Variants in FANCC observed in about 807,000 individuals in gnomAD.
The protein encoded by FANCC is FA complementation group C, also known as Fanconi anemia group C protein.
A neutral mutation model predicts 71.3 loss-of-function variants in FANCC; 55 were observed. That is an observed-to-expected ratio of 0.77 (90% CI 0.62 to 0.97). The LOEUF (loss-of-function observed/expected upper bound fraction) is 0.97. FANCC is among the 50% of genes least tolerant of loss of function. The probability of loss-of-function intolerance (pLI) is 0.00; values close to 1 mark genes in which losing one functional copy is unlikely to be tolerated. For synonymous variants in FANCC, 275 were observed against 244.9 expected (o/e 1.12, Z -1.15); for missense variants, 678 against 670.9 (o/e 1.01, Z -0.12).
chr9:95,118,737 C>A (rs1295759101), intron 10 of FANCC, among the ~76,000 whole-genome samples: 3 of 152,260 alleles, frequency 2.0e-5, no homozygotes, highest in Middle Eastern at 3.4e-3. Context: ...TTATTGTGTG[C>A]GAGTAGATCA....
At chr9:95,138,032 G>A (rs1199960528) in intron 7 of FANCC, among the ~76,000 whole-genome samples, 1 of 152,266 alleles carries the variant, frequency 6.6e-6, no homozygotes. Context: ...CAACGGGCAA[G>A]GCGCAGAGGA....
intron 14 of FANCC, among the ~76,000 whole-genome samples, chr9:95,103,526 C>T (rs1426875332): frequency 1.3e-5 from 2 of 152,196 alleles, no homozygotes; most frequent in Non-Finnish European, 2.9e-5. Flanking sequence ...GGGTGGACTC[C>T]ATGCAGTCCT....
chr9:95,138,404 C>A (rs1828053861), intron 7 of FANCC, among the ~76,000 whole-genome samples: 1 of 152,182 alleles, frequency 6.6e-6, no homozygotes, highest in Non-Finnish European at 1.5e-5. Flanking sequence ...CAATGGAGCC[C>A]TGGAGAGGGG....
chr9:95,291,963 A>ATAT (rs1256566464), intron 1 of FANCC, among the ~76,000 whole-genome samples: 28 of 94,502 alleles, frequency 3.0e-4, no homozygotes, highest in Admixed American at 5.1e-4. Context: ...AAAAAAAAAA[A>ATAT]AAAAATATAT....
intron 1 of FANCC, among the ~76,000 whole-genome samples, chr9:95,298,993 C>T (rs542823150): frequency 6.6e-5 from 10 of 152,136 alleles, no homozygotes; most frequent in South Asian, 2.1e-4. Context: ...AAAAATACTA[C>T]GGTATATATG....
At chr9:95,298,565 A>C (rs190975057) in intron 1 of FANCC, among the ~76,000 whole-genome samples, 1 of 152,306 alleles carries the variant, frequency 6.6e-6, no homozygotes, top group Admixed American at 6.5e-5. Context: ...GACAATAGAG[A>C]TATGGGAGCA....
rs4647527 is a variant in FANCC, at chr9:95,115,318, C to A, written c.1073-608G>T. 3.0e-4 allele frequency among the ~76,000 whole-genome samples: 46 copies of A among 152,296 alleles called. 2 individuals carry two copies. In the South Asian group the frequency reaches 9.3e-3, roughly 31 times the overall value. On this transcript the variant is annotated intron_variant, in intron 11 of 14. Transcript: ENST00000289081. ...AGCCCCCGCTGAGACTGGGAAATGC[C>A]GGGTTGCGGATGCCCTAGGTTTCTT...
Position 95,279,605 on chromosome 9 carries a change from A to G in FANCC, c.-78-30236T>C, listed in dbSNP as rs549748596. 4.1e-4 allele frequency among the ~76,000 whole-genome samples: 63 copies of G among 152,278 alleles called. 1 individual carries two copies. Among genetic ancestry groups the G allele is most frequent in the Non-Finnish European group, 2.9e-5 (2 of 68,016 alleles). ...AGATATACAGAAAAAGTAAAAGTTC[A>G]GACATAAAGCCAACTATGTCAATAA... On this transcript the variant is annotated intron_variant, in intron 1 of 14. Transcript: ENST00000289081.
At chr9:95,303,970 G>C (rs1169436952) in intron 1 of FANCC, among the ~76,000 whole-genome samples, 1 of 151,938 alleles carries the variant, frequency 6.6e-6, no homozygotes, top group African/African-American at 2.4e-5. Flanking sequence ...AAGTGCCCAA[G>C]AAAATGGATG....
chr9:95,171,203 A>G (rs989400652), intron 5 of FANCC, 60 bp from the exon 6 acceptor site: 16 of 1,316,304 alleles, frequency 1.2e-5, no homozygotes, highest in Admixed American at 3.4e-5. Context: ...CATCAGTTCT[A>G]TTTTTCTTGG....
intron 1 of FANCC, among the ~76,000 whole-genome samples, chr9:95,275,118 A>G (rs996671446): frequency 6.6e-6 from 1 of 151,594 alleles, no homozygotes; most frequent in Admixed American, 6.6e-5. Flanking sequence ...CAAAAAAAAA[A>G]AAAAAAGAAA....
At chr9:95,265,839 G>C (rs1832352693) in intron 1 of FANCC, among the ~76,000 whole-genome samples, 1 of 152,104 alleles carries the variant, frequency 6.6e-6, no homozygotes, top group Non-Finnish European at 1.5e-5. Context: ...ATAAAAAGAT[G>C]ACAGTGTTCC....
intron 4 of FANCC, among the ~76,000 whole-genome samples, chr9:95,201,608 G>T (rs948052678): frequency 3.3e-5 from 5 of 152,018 alleles, no homozygotes; most frequent in African/African-American, 9.7e-5. Context: ...GTGAAAAAAA[G>T]AAAAGGATGA....
At chr9:95,150,689 T>C (rs747092463) in intron 6 of FANCC, among the ~76,000 whole-genome samples, 3 of 152,232 alleles carry the variant, frequency 2.0e-5, no homozygotes, top group African/African-American at 7.2e-5. Flanking sequence ...TCACCTCATG[T>C]AGAGAATAAG....
intron 4 of FANCC, among the ~76,000 whole-genome samples, chr9:95,212,896 T>C (rs1393484665): frequency 6.6e-6 from 1 of 152,192 alleles, no homozygotes; most frequent in Non-Finnish European, 1.5e-5. Flanking sequence ...GTAATATTTG[T>C]AGTCATGTAT....
At chr9:95,306,296 C>T (rs763390006) in intron 1 of FANCC, among the ~76,000 whole-genome samples, 1 of 152,116 alleles carries the variant, frequency 6.6e-6, no homozygotes, top group South Asian at 2.1e-4. Flanking sequence ...AAAAGACATG[C>T]GTATCAAATA....
At chr9:95,241,794 G>C in intron 3 of FANCC, among the ~76,000 whole-genome samples, 1 of 152,100 alleles carries the variant, frequency 6.6e-6, no homozygotes, top group East Asian at 1.9e-4. Flanking sequence ...TGAGTAGCTG[G>C]GACCACAGGT....
chr9:95,213,123 G>T (rs1159097514), intron 4 of FANCC, among the ~76,000 whole-genome samples: 1 of 152,054 alleles, frequency 6.6e-6, no homozygotes, highest in Non-Finnish European at 1.5e-5. Flanking sequence ...TCATTATACT[G>T]GGTTAAATAA....
chr9:95,233,224 C>A lies in FANCC; in HGVS notation c.345+7425G>T, dbSNP rs553973343. Among the ~76,000 whole-genome samples the A allele has an allele frequency of 3.3e-5, 5 of 151,764 alleles. No homozygotes were observed. In the East Asian group the frequency reaches 9.7e-4, roughly 29 times the overall value. The stretch of plus-strand genomic sequence containing the variant: ...CAATTAATCTTTAAAAAAAAAAACC[C>A]TGAGGTTGTAGAAAGTCAAGCAAAT... On this transcript the variant is annotated intron_variant, in intron 4 of 14. Coordinates refer to ENST00000289081, the MANE Select transcript of FANCC (RefSeq NM_000136.3).
Sources: gnomAD v4.1 joint callset for allele counts (sites outside exome capture counted in the v4.1 genomes callset) on GRCh38, gnomAD v4.1.1 for gene constraint, MANE v1.5 for transcripts, NCBI Gene and HGNC (gene_info 2026-07-23, HGNC 2026-07-21) for gene names.